ATP13A2: variants seen among roughly 807,000 people sequenced by gnomAD.
ATP13A2 encodes ATPase cation transporting 13A2.
A neutral mutation model predicts 138.3 loss-of-function variants in ATP13A2; 83 were observed. That is an observed-to-expected ratio of 0.60 (90% CI 0.50 to 0.72). The LOEUF (loss-of-function observed/expected upper bound fraction) is 0.72. ATP13A2 is among the 30% of genes least tolerant of loss of function. The pLI, the probability that ATP13A2 is intolerant of heterozygous loss-of-function variation, is 0.00. For synonymous variants in ATP13A2, 663 were observed against 699.0 expected (o/e 0.95, Z 0.81); for missense variants, 1,402 against 1,606.4 (o/e 0.87, Z 2.17).
intron 12 of ATP13A2, chr1:16,996,758 G>C (rs943531047): frequency 1.6e-6 from 1 of 623,002 alleles, no homozygotes; most frequent in African/African-American, 1.8e-5. Context: ...CTGCCTGCCC[G>C]CTACATCCCT....
In ATP13A2 at chr1:16,997,018, AC is replaced by A; in HGVS notation, c.1195+1del. 6.2e-7 allele frequency: 1 copy of A among 1,611,518 alleles called. No homozygotes were observed. ...TCTCAAGCCCAGCCTCCCGGCTCAT[AC>A]CTGTGCGGGTCACCACTGCCAGGAC... On this transcript the variant is annotated splice_donor_variant, in intron 12 of 28. Coordinates refer to ENST00000326735, the MANE Select transcript of ATP13A2 (RefSeq NM_022089.4). LOFTEE classifies it high-confidence loss of function.
Position 16,986,577 on chromosome 1 carries a change from C to T in ATP13A2, c.3291G>A (p.Leu1097=), listed in dbSNP as rs1425208150. The T allele has an allele frequency of 1.2e-6, 2 of 1,611,958 alleles. No individual in the cohort carries two copies. Among genetic ancestry groups the T allele is most frequent in the Non-Finnish European group, 8.5e-7 (1 of 1,179,758 alleles). Reference sequence around the variant, plus strand: ...GCGGCCCCTGCAGGAGGCCGGGGACCAGGACAAGGCCCACCAGGACGGAGC... The same window carrying T: ...GCGGCCCCTGCAGGAGGCCGGGGACTAGGACAAGGCCCACCAGGACGGAGC... The part of the protein sequence containing the change: ...LLSSVLVGLV[L]VPGLLQGPLA... The change falls in exon 28 of 29, where the codon CTG becomes CTA. Residue 1097 remains leucine (L), a synonymous_variant. Coordinates refer to ENST00000326735, the MANE Select transcript of ATP13A2 (RefSeq NM_022089.4). The surrounding 1 kb of genome is among the most constrained non-coding windows in gnomAD (Gnocchi z 6.9).
Position 16,992,278 on chromosome 1 carries a change from G to A in ATP13A2, c.1970C>T (p.Pro657Leu), listed in dbSNP as rs1424176949. ...TQPEAYVKGS[P>L]ELVAGLCNPE... ...GTTGCAGAGCCCTGCCACCAGCTCC[G>A]GGGAGCCTTTGACGTAGGCCTCGGG... The change falls in exon 18 of 29, where the codon CCG (proline) becomes CTG (leucine). Residue 657 changes from proline (P) to leucine (L), a missense_variant. Pro to Leu is a moderately conservative substitution (Grantham distance 98). Transcript: ENST00000326735. The A allele has an allele frequency of 3.7e-6, 6 of 1,612,526 alleles. No individual in the cohort carries two copies. Among genetic ancestry groups the A allele is most frequent in the South Asian group, 1.1e-5 (1 of 91,044 alleles).
At position 16,995,803 on chromosome 1, in the gene ATP13A2, G is replaced by A. The variant is rs535271367; in HGVS notation, c.1542+173C>T. 8.0e-5 allele frequency: 65 copies of A among 807,684 alleles called. No individual in the cohort carries two copies. The highest frequency in any genetic ancestry group is 7.6e-4 in the Middle Eastern group (3 of 3,924). The allele number at this position is 807,684 out of a possible 1,614,324, so 50.0% of individuals were successfully genotyped here. A position where few individuals can be genotyped will look rare whatever the true frequency, so the allele number is the denominator to read the frequency against. ...TTCTAGACATTTCATCTGCCAGACC[G>A]TGAGCCCAGTGAGGGCAGGAGTGGG... is the stretch of plus-strand genomic sequence containing the variant. On this transcript the variant is annotated intron_variant, in intron 15 of 28. Coordinates refer to ENST00000326735, the MANE Select transcript of ATP13A2 (RefSeq NM_022089.4). The surrounding 1 kb of genome is among the most constrained non-coding windows in gnomAD (Gnocchi z 4.1).
At chr1:17,003,374 A>G (rs995309244) in intron 6 of ATP13A2, among the ~76,000 whole-genome samples, 1 of 152,054 alleles carries the variant, frequency 6.6e-6, no homozygotes, top group Non-Finnish European at 1.5e-5. Context: ...CCTGGCCAAC[A>G]TGGTGAAACC....
At chr1:16,990,081 T>C in intron 21 of ATP13A2, 46 bp downstream of exon 21, 1 of 1,613,644 alleles carries the variant, frequency 6.2e-7, no homozygotes, top group Non-Finnish European at 8.5e-7. Flanking sequence ...GACACAGGGG[T>C]GGGGTCACTG....
Position 17,000,035 on chromosome 1 carries a change from T to A in ATP13A2, c.1015A>T (p.Met339Leu), listed in dbSNP as rs1405972241. 6.2e-7 allele frequency: 1 copy of A among 1,611,810 alleles called. No individual in the cohort carries two copies. The highest frequency in any genetic ancestry group is 8.5e-7 in the Non-Finnish European group (1 of 1,179,244). Residue 339 changes from methionine (M) to leucine (L), a missense_variant, in exon 11 of 29, where the codon ATG becomes TTG. Transcript: ENST00000326735. Reference sequence around the variant, plus strand: ...CCTGTCAGAGAGCTCTCATTCACCATGCACTCGCCGGCCACCAGGGCGGCA... The same window carrying A: ...CCTGTCAGAGAGCTCTCATTCACCAAGCACTCGCCGGCCACCAGGGCGGCA... ...CDAALVAGEC[M>L]VNESSLTGES...
chr1:17,011,565 G>T lies in ATP13A2; in HGVS notation c.10+164C>A, dbSNP rs372498387. Reference sequence around the variant, plus strand: ...GGGAAGAAACCGGGGCCGAGTCCCCGTCAAAAGGGAGGGGACGGGCCAGGA... The same window carrying T: ...GGGAAGAAACCGGGGCCGAGTCCCCTTCAAAAGGGAGGGGACGGGCCAGGA... On this transcript the variant is annotated intron_variant, in intron 1 of 28. Transcript: ENST00000326735. This position sits in a 1 kb window ranked among gnomAD's most constrained non-coding sequence, Gnocchi z 7.3. Among the ~76,000 whole-genome samples, 6 of 152,148 alleles carry T rather than the reference G, an allele frequency of 3.9e-5. 1 individual carries two copies. In the South Asian group the frequency reaches 1.2e-3, roughly 32 times the overall value.
intron 15 of ATP13A2, among the ~76,000 whole-genome samples, chr1:16,994,930 G>A (rs547670197): frequency 1.5e-4 from 23 of 152,178 alleles, no homozygotes; most frequent in Non-Finnish European, 2.6e-4. Context: ...CCGAAGTGCC[G>A]GGATTCCAGG....
At chr1:16,998,900 C>T (rs938686483) in intron 11 of ATP13A2, among the ~76,000 whole-genome samples, 2 of 152,102 alleles carry the variant, frequency 1.3e-5, no homozygotes, top group African/African-American at 2.4e-5. Context: ...CATGTGCACA[C>T]ACGTAATGCA....
chr1:16,989,545 G>T, intron 23 of ATP13A2, 146 bp downstream of exon 23: 1 of 773,558 alleles, frequency 1.3e-6, no homozygotes, highest in Non-Finnish European at 2.3e-6. Flanking sequence ...AGACCTGGGA[G>T]AGCCTGCCTG....
chr1:16,995,866 G>T lies in ATP13A2; in HGVS notation c.1542+110C>A. On this transcript the variant is annotated intron_variant, in intron 15 of 28. Transcript: ENST00000326735. The surrounding 1 kb of genome is among the most constrained non-coding windows in gnomAD (Gnocchi z 4.1). ...CTCTGGGGGTTTCCATCCCTAGACA[G>T]GACCTGGCATCCTGTGGGTGCTGCT... 1 of 1,364,636 alleles carries T rather than the reference G, an allele frequency of 7.3e-7. No individual in the cohort carries two copies. Among genetic ancestry groups the T allele is most frequent in the Non-Finnish European group, 1.0e-6 (1 of 981,950 alleles). 84.5% of individuals were successfully genotyped at this position (1,364,636 alleles called of 1,614,324 possible). A position where few individuals can be genotyped will look rare whatever the true frequency, so the allele number is the denominator to read the frequency against.
intron 1 of ATP13A2, among the ~76,000 whole-genome samples, chr1:17,010,035 C>T (rs947817172): frequency 2.6e-5 from 4 of 152,132 alleles, no homozygotes; most frequent in Admixed American, 6.5e-5. Context: ...TGTGGGGGGG[C>T]GAGAGCACCT....
chr1:16,987,398 G>T, intron 25 of ATP13A2, 129 bp from the exon 26 acceptor site: 1 of 906,926 alleles, frequency 1.1e-6, no homozygotes, highest in Non-Finnish European at 1.8e-6. Context: ...TCTAATGGGG[G>T]CCGTACTCTC....
chr1:16,996,519 A>G (rs575739620), intron 12 of ATP13A2, 23 bp from the exon 13 acceptor site: 1 of 1,603,770 alleles, frequency 6.2e-7, no homozygotes, highest in Admixed American at 1.7e-5. Context: ...CGGGGACCCC[A>G]AGGCAGGGAA....
rs56146840 is a variant in ATP13A2, at chr1:16,986,788, C to T, written c.3235+17G>A. The T allele has an allele frequency of 0.025, 40,554 of 1,609,774 alleles. 598 individuals carry two copies. Among genetic ancestry groups the T allele is most frequent in the Middle Eastern group, 0.047 (261 of 5,602 alleles). ...CCTCCCTCCGCCAGCATCTCCCGCC[C>T]GCGCCCGCAGTGGCACCATTGGTGT... On this transcript the variant is annotated intron_variant, in intron 27 of 28. Transcript: ENST00000326735. This position sits in a 1 kb window ranked among gnomAD's most constrained non-coding sequence, Gnocchi z 6.9.
Position 16,996,072 on chromosome 1 carries a change from G to C in ATP13A2, c.1446C>G (p.Leu482=). 1 of 1,614,124 alleles carries C rather than the reference G, an allele frequency of 6.2e-7. No homozygotes were observed. The highest frequency in any genetic ancestry group is 8.5e-7 in the Non-Finnish European group (1 of 1,180,056). ...GTCTCCGCAGTCGGCTCTGGGCGTA[G>C]AGCGTGCACACAGTCATGGCAGCAG... The part of the protein sequence containing the change: ...ALPAAMTVCT[L]YAQSRLRRQG... Residue 482 remains leucine, a synonymous_variant, in exon 15 of 29, where the codon CTC becomes CTG. Coordinates refer to ENST00000326735, the MANE Select transcript of ATP13A2 (RefSeq NM_022089.4).
Position 17,004,222 on chromosome 1 carries a change from CA to C in ATP13A2, c.557+109del, listed in dbSNP as rs2101089471. Reference sequence around the variant, plus strand: ...GTAACCTGCCCAAGGTTTCAGACAGCAAAAGCATCAGAGCTGAGAGGGGAGC... The same window carrying C: ...GTAACCTGCCCAAGGTTTCAGACAGCAAAGCATCAGAGCTGAGAGGGGAGC... On this transcript the variant is annotated intron_variant, in intron 6 of 28. Transcript: ENST00000326735. The surrounding 1 kb of genome is among the most constrained non-coding windows in gnomAD (Gnocchi z 4.1). The C allele has an allele frequency of 8.4e-7, 1 of 1,188,426 alleles. No homozygotes were observed. The highest frequency in any genetic ancestry group is 1.2e-6 in the Non-Finnish European group (1 of 817,324). 73.6% of individuals were successfully genotyped at this position (1,188,426 alleles called of 1,614,324 possible).
rs2077075402 is a variant in ATP13A2, at chr1:16,995,197, C to T, written c.1542+779G>A. On this transcript the variant is annotated intron_variant, in intron 15 of 28. Transcript: ENST00000326735. The surrounding 1 kb of genome is among the most constrained non-coding windows in gnomAD (Gnocchi z 4.1). ...CTCGACCTGCCCCTCACTGAGGTCA[C>T]TGAGGGACCTGCTCAGGGGGCTTCC... 6.6e-6 allele frequency among the ~76,000 whole-genome samples: 1 copy of T among 152,228 alleles called. No homozygotes were observed. The highest frequency in any genetic ancestry group is 1.5e-5 in the Non-Finnish European group (1 of 68,042).
Sources: gnomAD v4.1 joint callset for allele counts (sites outside exome capture counted in the v4.1 genomes callset) on GRCh38, gnomAD v4.1.1 for gene constraint, Gnocchi (gnomAD v3.1) non-coding constraint, MANE v1.5 for transcripts, NCBI Gene and HGNC (gene_info 2026-07-23, HGNC 2026-07-21) for gene names.